The following CEMIP2 variants were observed in gnomAD, a reference collection of about 807,000 sequenced individuals.
CEMIP2 encodes cell surface hyaluronidase CEMIP2.
CEMIP2 carries 79 observed loss-of-function variants against 146.9 expected under a neutral mutation model. The ratio of observed to expected loss-of-function variants is 0.54; its 90% CI spans 0.45 to 0.65. The LOEUF (loss-of-function observed/expected upper bound fraction) is 0.65. Among genes scored for constraint, CEMIP2 ranks in the 30% least tolerant of loss-of-function variants. The pLI is 0.00. For missense variants in CEMIP2, 1,596 were observed against 1,696.2 expected (o/e 0.94, Z 1.04); for synonymous variants, 601 against 606.3 (o/e 0.99, Z 0.13).
At chr9:71,754,044 T>C (rs917886598) in intron 1 of CEMIP2, among the ~76,000 whole-genome samples, 18 of 152,188 alleles carry the variant, frequency 1.2e-4, no homozygotes, top group African/African-American at 3.9e-4. Flanking sequence ...GCAGGGAACA[T>C]CACACACTGG....
chr9:71,710,606 G>A (rs557553102), intron 16 of CEMIP2, among the ~76,000 whole-genome samples: 1 of 152,312 alleles, frequency 6.6e-6, no homozygotes, highest in South Asian at 2.1e-4. Flanking sequence ...ATTGTATTAT[G>A]CTGTTATAAC....
In CEMIP2 at chr9:71,687,743, G is replaced by A. The variant is rs968696207; in HGVS notation, c.3852-1897C>T. Among the ~76,000 whole-genome samples the A allele has an allele frequency of 3.2e-4, 49 of 152,268 alleles. 1 individual carries two copies. The highest frequency in any genetic ancestry group is 1.1e-3 in the African/African-American group (47 of 41,554). On this transcript the variant is annotated intron_variant, in intron 22 of 23. Coordinates refer to ENST00000377044, the MANE Select transcript of CEMIP2 (RefSeq NM_013390.3). ...CCAGCCAGGCTGGTGGTGTGCACGT[G>A]TAGTCCCAGCTACTTGGAAGGCTGA...
In CEMIP2 at chr9:71,716,665, C is replaced by T. The variant is rs1164686713; in HGVS notation, c.2400-113G>A. 8.7e-6 allele frequency: 7 copies of T among 805,230 alleles called. No homozygotes were observed. In the Admixed American group the frequency reaches 1.8e-4, roughly 20 times the overall value. 49.9% of individuals were successfully genotyped at this position (805,230 alleles called of 1,614,324 possible). A position where few individuals can be genotyped will look rare whatever the true frequency, so the allele number is the denominator to read the frequency against. ...TCCAAAAGGTCCCAATATTTACTCT[C>T]TACATGACCACACAAAAATTTGATT... On this transcript the variant is annotated intron_variant, in intron 13 of 23. Transcript: ENST00000377044.
chr9:71,706,612 G>A (rs1822747782), intron 17 of CEMIP2, among the ~76,000 whole-genome samples: 1 of 152,056 alleles, frequency 6.6e-6, no homozygotes, highest in Non-Finnish European at 1.5e-5. Context: ...TGTCACATTG[G>A]TAGTTGCAAT....
In CEMIP2 at chr9:71,718,195, T is replaced by C. The variant is rs1589142760; in HGVS notation, c.2268-116A>G. The C allele has an allele frequency of 1.4e-5, 14 of 990,782 alleles. No homozygotes were observed. In the South Asian group the frequency reaches 2.2e-4, roughly 15 times the overall value. 61.4% of individuals were successfully genotyped at this position (990,782 alleles called of 1,614,324 possible). A position where few individuals can be genotyped will look rare whatever the true frequency, so the allele number is the denominator to read the frequency against. ...AAATTTGACCAAAACAAATGAAAAA[T>C]TCTTAAGATACAACTTACTTACATT... On this transcript the variant is annotated intron_variant, in intron 12 of 23. Transcript: ENST00000377044.
At chr9:71,704,336 G>A (rs1286928231) in intron 18 of CEMIP2, 7 of 483,286 alleles carry the variant, frequency 1.4e-5, no homozygotes, top group Non-Finnish European at 2.6e-5. Flanking sequence ...GCATTCAGCA[G>A]TATTAAAACC....
chr9:71,736,270 T>C (rs1050682612), intron 5 of CEMIP2, among the ~76,000 whole-genome samples: 1 of 152,120 alleles, frequency 6.6e-6, no homozygotes, highest in African/African-American at 2.4e-5. Context: ...GGAAGCAACC[T>C]CTCTCTCTCC....
rs769225011 is a variant in CEMIP2 at position 71,709,444 on chromosome 9, C to A, written c.2800G>T (p.Gly934Cys). Reference protein sequence around the residue: ...VSLNVFFGKPGPWFEDCEMDG... With the variant: ...VSLNVFFGKPCPWFEDCEMDG... ...ATCTCACAATCTTCAAACCAGGGAC[C>A]AGGCTTTCCAAAAAAGACATTCAGA... The change falls in exon 17 of 24, where the codon GGT becomes TGT. Residue 934 changes from glycine to cysteine, a missense_variant. Transcript: ENST00000377044. 2.5e-6 allele frequency: 4 copies of A among 1,614,122 alleles called. No individual in the cohort carries two copies. Among genetic ancestry groups the A allele is most frequent in the East Asian group, 4.5e-5 (2 of 44,884 alleles).
At chr9:71,698,833 T>G (rs1822473325) in intron 19 of CEMIP2, among the ~76,000 whole-genome samples, 1 of 152,128 alleles carries the variant, frequency 6.6e-6, no homozygotes, top group Non-Finnish European at 1.5e-5. Flanking sequence ...AACTTCCAGG[T>G]AGCAGTTCAA....
intron 18 of CEMIP2, chr9:71,704,352 T>C (rs1589133598): frequency 5.7e-6 from 3 of 525,092 alleles, no homozygotes; most frequent in Non-Finnish European, 1.0e-5. Context: ...AAACCTATCG[T>C]TGAATGGCTT....
chr9:71,685,530 G>A (rs1247785413), intron 23 of CEMIP2, 137 bp from the exon 24 acceptor site: 2 of 1,115,102 alleles, frequency 1.8e-6, no homozygotes, highest in Non-Finnish European at 2.5e-6. Context: ...CCTTACATCA[G>A]CAAATGAACT....
At chr9:71,746,567 G>T (rs912922475) in intron 2 of CEMIP2, among the ~76,000 whole-genome samples, 2 of 122,638 alleles carry the variant, frequency 1.6e-5, no homozygotes, top group Non-Finnish European at 3.2e-5. Flanking sequence ...AAACTAAATT[G>T]CTAGCATCTA....
chr9:71,734,972 C>G lies in CEMIP2; in HGVS notation c.1227G>C (p.Arg409=). Residue 409 remains arginine, a synonymous_variant, in exon 6 of 24, where the codon CGG becomes CGC. Transcript: ENST00000377044. ...WIEGVSLSGF[R]VEVVDGVKLN... is the part of the protein sequence containing the mutation. ...GCTTCACTCCATCTACAACCTCTAC[C>G]CGGAATCCTGAAAGAGAAACGCCTA... is the stretch of plus-strand genomic sequence containing the variant. 6.2e-7 allele frequency: 1 copy of G among 1,609,820 alleles called. No homozygotes were observed. Among genetic ancestry groups the G allele is most frequent in the Non-Finnish European group, 8.5e-7 (1 of 1,178,864 alleles).
rs138309053 is a variant in CEMIP2 at position 71,761,496 on chromosome 9, G to C, written c.-13+6861C>G. 2.8e-4 allele frequency among the ~76,000 whole-genome samples: 43 copies of C among 152,290 alleles called. No individual in the cohort carries two copies. The East Asian group carries it at 7.7e-3, about 27-fold the overall frequency. Reference sequence around the variant, plus strand: ...AGATGCCCAGACTGAAATAATCCAAGGCTGTTCAATCCAGCATCATAGTAA... The same window carrying C: ...AGATGCCCAGACTGAAATAATCCAACGCTGTTCAATCCAGCATCATAGTAA... On this transcript the variant is annotated intron_variant, in intron 1 of 23. Transcript: ENST00000377044.
At chr9:71,709,522 A>G (rs1822847312) in intron 16 of CEMIP2, 48 bp from the exon 17 acceptor site, 13 of 1,502,234 alleles carry the variant, frequency 8.7e-6, no homozygotes, top group Non-Finnish European at 1.2e-5. Context: ...GGCTCCTGCT[A>G]TCTCAGCATC....
At chr9:71,715,237 CTTT>C (rs34322815) in intron 14 of CEMIP2, 148 bp from the exon 15 acceptor site, 23,756 of 228,756 alleles carry the variant, frequency 0.1, 7 homozygotes, top group Middle Eastern at 0.13. Context: ...TCAGAAACTG[CTTT>C]TTTTTTTTTT....
intron 15 of CEMIP2, among the ~76,000 whole-genome samples, chr9:71,714,102 A>G (rs1351948151): frequency 5.3e-5 from 8 of 152,028 alleles, no homozygotes; most frequent in African/African-American, 1.9e-4. Context: ...CCACTCCCCA[A>G]AGCTACAGTC....
At chr9:71,735,091 TTAAGA>T (rs1823726781) in intron 5 of CEMIP2, 97 bp from the exon 6 acceptor site, 2 of 1,424,222 alleles carry the variant, frequency 1.4e-6, no homozygotes. Context: ...AAATCAAAAG[TTAAGA>T]TAACCACGAT....
chr9:71,713,447 C>A (rs1219023397), intron 15 of CEMIP2, among the ~76,000 whole-genome samples: 5 of 152,014 alleles, frequency 3.3e-5, no homozygotes, highest in Non-Finnish European at 7.4e-5. Flanking sequence ...TTTTAAATTG[C>A]CCAGTCTCAG....
Sources: gnomAD v4.1 joint callset for allele counts (sites outside exome capture counted in the v4.1 genomes callset) on GRCh38, gnomAD v4.1.1 for gene constraint, MANE v1.5 for transcripts, NCBI Gene and HGNC (gene_info 2026-07-23, HGNC 2026-07-21) for gene names.